Variants in PDE4C observed in about 807,000 individuals in gnomAD.
The protein encoded by PDE4C is 3',5'-cyclic-AMP phosphodiesterase 4C.
Under a neutral mutation model 63.9 loss-of-function variants are expected in PDE4C, and 50 were observed. The ratio of observed to expected loss-of-function variants is 0.78; its 90% CI spans 0.62 to 0.99. The LOEUF (loss-of-function observed/expected upper bound fraction) is 0.99, where lower values mean the gene tolerates loss of function less well. Ranked by LOEUF, PDE4C falls within the 50% of genes least tolerant of loss-of-function variation. The pLI, the probability that PDE4C is intolerant of heterozygous loss-of-function variation, is 0.00. For synonymous variants in PDE4C, 377 were observed against 385.1 expected, an observed-to-expected ratio of 0.98 and a Z score of 0.25; for missense variants, 777 against 899.1, an observed-to-expected ratio of 0.86 and a Z score of 1.74.
intron 1 of PDE4C, among the ~76,000 whole-genome samples, chr19:18,243,696 GGT>G (rs144310919): frequency 1.3e-5 from 2 of 152,274 alleles, no homozygotes; most frequent in East Asian, 3.9e-4. Context: ...CAGATGCGGG[GGT>G]GCTCCCAAGA....
chr19:18,224,577 T>C, intron 1 of PDE4C: 7 of 905,542 alleles, frequency 7.7e-6, no homozygotes, highest in Non-Finnish European at 9.2e-6. Context: ...TTCGGATAAG[T>C]TCGAGCTTGT....
chr19:18,213,987 C>T (rs1458138762), intron 12 of PDE4C, among the ~76,000 whole-genome samples: 3 of 152,138 alleles, frequency 2.0e-5, no homozygotes, highest in East Asian at 1.9e-4. Context: ...GGCTGGGCGC[C>T]GTGGCTCACG....
chr19:18,226,580 C>A, upstream of PDE4C: 2 of 406,096 alleles, frequency 4.9e-6, no homozygotes, highest in Non-Finnish European at 8.6e-6. Context: ...AACTGAGGCA[C>A]AGAGTCAGAC....
At chr19:18,230,106 C>T (rs1968820211), upstream of PDE4C, among the ~76,000 whole-genome samples, 1 of 152,148 alleles carries the variant, frequency 6.6e-6, no homozygotes, top group African/African-American at 2.4e-5. Flanking sequence ...TACAACTTCA[C>T]ATTTATTGTC....
upstream of PDE4C, among the ~76,000 whole-genome samples, chr19:18,248,456 G>A (rs1364057952): frequency 6.6e-6 from 1 of 151,736 alleles, no homozygotes; most frequent in Non-Finnish European, 1.5e-5. Flanking sequence ...AGAGGAAGGA[G>A]GGGGGAAGGA....
exon 14 of PDE4C, chr19:18,211,811 A>C (rs1450169160): frequency 6.2e-7 from 1 of 1,614,254 alleles, no homozygotes. Flanking sequence ...ACTGATGTCC[A>C]GGCCCGACTC....
upstream of PDE4C, among the ~76,000 whole-genome samples, chr19:18,251,868 T>C (rs868451090): frequency 1.3e-5 from 2 of 151,990 alleles, no homozygotes; most frequent in African/African-American, 4.8e-5. Context: ...TGCCCATCGC[T>C]GCGTGCCCAG....
chr19:18,249,306 A>C (rs1969195450), upstream of PDE4C, among the ~76,000 whole-genome samples: 2 of 151,900 alleles, frequency 1.3e-5, no homozygotes, highest in Admixed American at 6.6e-5. Context: ...ACAGGGTCTC[A>C]CTCTGTCACC....
At position 18,220,391 on chromosome 19, in the gene PDE4C, G is replaced by A. The variant is rs746958835; in HGVS notation, c.612+12C>T. The A allele has an allele frequency of 1.2e-6, 2 of 1,612,168 alleles. No individual in the cohort carries two copies. Among genetic ancestry groups the A allele is most frequent in the Middle Eastern group, 3.3e-4 (2 of 6,058 alleles). On this transcript the variant is annotated intron_variant, in intron 6 of 14. Coordinates refer to ENST00000262805, the Ensembl canonical transcript of PDE4C. The surrounding 1 kb of genome is among the most constrained non-coding windows in gnomAD (Gnocchi z 5.1). ...CCGAGGCAGGTGAGCTCAGCGATCT[G>A]CCCCACCTCACCTTGTTGGAGGCCA...
At chr19:18,225,423 T>C (rs757049598) in intron 1 of PDE4C, 72 of 152,392 alleles carry the variant, frequency 4.7e-4, no homozygotes, top group Non-Finnish European at 9.4e-4. Flanking sequence ...ACTCCCTGGT[T>C]GAAATGGAAC....
At chr19:18,218,684 G>A (rs576140261) in intron 9 of PDE4C, among the ~76,000 whole-genome samples, 186 bp from the exon 10 acceptor site, 3 of 152,342 alleles carry the variant, frequency 2.0e-5, no homozygotes, top group East Asian at 1.9e-4. Flanking sequence ...TACAGGACTG[G>A]GGGTGTCTCT....
At chr19:18,218,871 G>T in intron 9 of PDE4C, 69 bp downstream of exon 9, 1 of 1,086,938 alleles carries the variant, frequency 9.2e-7, no homozygotes, top group Non-Finnish European at 1.4e-6. Flanking sequence ...TGTCCCTGAG[G>T]TCTGTGGTAG....
At chr19:18,228,616 T>C (rs1039362198), upstream of PDE4C, among the ~76,000 whole-genome samples, 2 of 152,242 alleles carry the variant, frequency 1.3e-5, no homozygotes, top group Non-Finnish European at 2.9e-5. Context: ...TCAATAGGTT[T>C]ACTATTAATG....
chr19:18,235,067 G>T (rs1039794813), upstream of PDE4C, among the ~76,000 whole-genome samples: 12 of 152,178 alleles, frequency 7.9e-5, no homozygotes, highest in Admixed American at 1.3e-4. Context: ...TCATTGCAAG[G>T]ACTAAAAGTG....
At chr19:18,222,316 G>A (rs1968520614) in exon 2 of PDE4C, 6 of 1,609,216 alleles carry the variant, frequency 3.7e-6, no homozygotes, top group Non-Finnish European at 5.1e-6. Flanking sequence ...CCATTTTCCA[G>A]GTCAAAGCTG....
chr19:18,249,160 G>A (rs1348191019), upstream of PDE4C, among the ~76,000 whole-genome samples: 1 of 151,964 alleles, frequency 6.6e-6, no homozygotes, highest in African/African-American at 2.4e-5. Context: ...AGAGAGATGG[G>A]GTTTTGCCAT....
At chr19:18,227,548 G>A (rs1269079944), upstream of PDE4C, among the ~76,000 whole-genome samples, 3 of 152,222 alleles carry the variant, frequency 2.0e-5, no homozygotes, top group East Asian at 5.8e-4. Flanking sequence ...AGGATTCCCA[G>A]AGTCTGTACC....
At chr19:18,216,789 G>A in exon 12 of PDE4C, 1 of 1,614,144 alleles carries the variant, frequency 6.2e-7, no homozygotes, top group Non-Finnish European at 8.5e-7. Flanking sequence ...TGGCGCTGAG[G>A]TTCTGGAAGA....
At chr19:18,239,052 T>C (rs1047906677) in intron 1 of PDE4C, among the ~76,000 whole-genome samples, 2 of 151,666 alleles carry the variant, frequency 1.3e-5, no homozygotes, top group African/African-American at 2.4e-5. Context: ...ATAATAACGA[T>C]AGTACTAATG....
Sources: gnomAD v4.1 joint callset for allele counts (sites outside exome capture counted in the v4.1 genomes callset) on GRCh38, gnomAD v4.1.1 for gene constraint, Gnocchi (gnomAD v3.1) non-coding constraint, MANE v1.5 for transcripts, NCBI Gene and HGNC (gene_info 2026-07-23, HGNC 2026-07-21) for gene names.